DNER: variants seen among roughly 807,000 people sequenced by gnomAD.
The protein encoded by DNER is delta and Notch-like epidermal growth factor-related receptor.
In DNER, 33 loss-of-function variants were observed where a neutral mutation model predicts 78.2. That is an observed-to-expected ratio of 0.42 (90% CI 0.32 to 0.56). The LOEUF (loss-of-function observed/expected upper bound fraction) is 0.56. DNER is among the 20% of genes least tolerant of loss of function. The pLI is 0.11. For missense variants in DNER, 918 were observed against 975.3 expected, an observed-to-expected ratio of 0.94 and a Z score of 0.78; for synonymous variants, 417 against 384.8, an observed-to-expected ratio of 1.08 and a Z score of -0.98.
intron 10 of DNER, among the ~76,000 whole-genome samples, chr2:229,395,934 A>G (rs1291404871): frequency 6.6e-6 from 1 of 152,100 alleles, no homozygotes; most frequent in Non-Finnish European, 1.5e-5. Flanking sequence ...AATAATCTAG[A>G]TAAGAAATAA....
chr2:229,631,250 A>G (rs1329896885), intron 1 of DNER, among the ~76,000 whole-genome samples: 1 of 152,178 alleles, frequency 6.6e-6, no homozygotes, highest in Non-Finnish European at 1.5e-5. Context: ...ATTTAAAGAC[A>G]TTGGCTGGCC....
At chr2:229,636,822 G>A (rs950351488) in intron 1 of DNER, among the ~76,000 whole-genome samples, 2 of 152,110 alleles carry the variant, frequency 1.3e-5, no homozygotes, top group Non-Finnish European at 2.9e-5. Context: ...ACCAGATCCA[G>A]GCCTGGCCAT....
Position 229,363,279 on chromosome 2 carries a change from T to C in DNER, c.2102+3594A>G, listed in dbSNP as rs1251977961. ...TCAGTCACTCGTGTGACCCACTCCATGTGCCCTGTGTGGCTGCTGGGCTGC... is the reference window on the plus strand; with the variant it reads ...TCAGTCACTCGTGTGACCCACTCCACGTGCCCTGTGTGGCTGCTGGGCTGC... On this transcript the variant is annotated intron_variant, in intron 12 of 12. Coordinates refer to ENST00000341772, the MANE Select transcript of DNER (RefSeq NM_139072.4). 3.3e-5 allele frequency among the ~76,000 whole-genome samples: 5 copies of C among 152,228 alleles called. No individual in the cohort carries two copies. The East Asian group carries it at 7.7e-4, about 23-fold the overall frequency.
chr2:229,706,947 G>C (rs1246760250), intron 1 of DNER, among the ~76,000 whole-genome samples: 3 of 152,176 alleles, frequency 2.0e-5, no homozygotes, highest in African/African-American at 7.2e-5. Flanking sequence ...TTGGTAGAAA[G>C]AATGGGGATG....
intron 1 of DNER, among the ~76,000 whole-genome samples, chr2:229,692,843 G>A (rs1394284096): frequency 1.3e-5 from 2 of 151,878 alleles, no homozygotes; most frequent in East Asian, 1.9e-4. Flanking sequence ...CTTATATAAG[G>A]ATGAGCAGAT....
At chr2:229,635,223 A>C (rs924695746) in intron 1 of DNER, among the ~76,000 whole-genome samples, 1 of 152,084 alleles carries the variant, frequency 6.6e-6, no homozygotes, top group Non-Finnish European at 1.5e-5. Flanking sequence ...TCTCCTCGGC[A>C]GCAACCAAGG....
At chr2:229,449,066 A>C (rs1383378085) in intron 7 of DNER, among the ~76,000 whole-genome samples, 1 of 152,204 alleles carries the variant, frequency 6.6e-6, no homozygotes, top group Non-Finnish European at 1.5e-5. Context: ...CTCCAAAAAA[A>C]TCCAATGCTA....
At chr2:229,619,411 AGTGAT>A (rs2154215433) in intron 1 of DNER, among the ~76,000 whole-genome samples, 1 of 152,296 alleles carries the variant, frequency 6.6e-6, no homozygotes, top group African/African-American at 2.4e-5. Context: ...AAACCAGCTC[AGTGAT>A]GTAAGTGCAG....
chr2:229,556,512 A>G (rs540990306), intron 4 of DNER, among the ~76,000 whole-genome samples: 177 of 152,372 alleles, frequency 1.2e-3, no homozygotes, highest in Middle Eastern at 6.8e-3. Flanking sequence ...TCTAAGTCAC[A>G]TGAGTGATGC....
chr2:229,444,760 G>A (rs1231604246), intron 8 of DNER, among the ~76,000 whole-genome samples: 5 of 151,966 alleles, frequency 3.3e-5, no homozygotes, highest in Admixed American at 6.6e-5. Flanking sequence ...GTGGTGGTGG[G>A]AGCCTGTAAT....
chr2:229,411,386 G>A (rs1054908327), intron 9 of DNER, among the ~76,000 whole-genome samples: 23 of 151,954 alleles, frequency 1.5e-4, no homozygotes, highest in South Asian at 4.2e-4. Flanking sequence ...GTGAAACCCC[G>A]TCTCTACTAA....
intron 1 of DNER, among the ~76,000 whole-genome samples, chr2:229,650,645 C>T (rs536327830): frequency 2.6e-5 from 4 of 152,144 alleles, no homozygotes; most frequent in Non-Finnish European, 5.9e-5. Flanking sequence ...CCCCTACACA[C>T]GGTTTTCTTT....
At chr2:229,538,597 A>T (rs1437037637) in intron 5 of DNER, among the ~76,000 whole-genome samples, 1 of 152,142 alleles carries the variant, frequency 6.6e-6, no homozygotes, top group Non-Finnish European at 1.5e-5. Flanking sequence ...GTAGTTAATG[A>T]TGATGTATAC....
intron 6 of DNER, among the ~76,000 whole-genome samples, chr2:229,490,725 T>C (rs1026409829): frequency 7.9e-5 from 12 of 152,162 alleles, no homozygotes; most frequent in Admixed American, 2.0e-4. Context: ...TGCTGGTATG[T>C]GGATTGTATC....
intron 1 of DNER, among the ~76,000 whole-genome samples, chr2:229,626,083 C>A (rs781453392): frequency 3.3e-5 from 5 of 152,090 alleles, no homozygotes; most frequent in Non-Finnish European, 7.4e-5. Flanking sequence ...CAGTGCCTGG[C>A]TAATTTTTTG....
chr2:229,584,216 C>T (rs1305379998), intron 4 of DNER, among the ~76,000 whole-genome samples: 2 of 151,902 alleles, frequency 1.3e-5, no homozygotes, highest in African/African-American at 2.4e-5. Context: ...CTTGTACATT[C>T]GTTATCTAAT....
chr2:229,373,705 T>C (rs868014532), intron 11 of DNER, among the ~76,000 whole-genome samples: 2 of 152,090 alleles, frequency 1.3e-5, no homozygotes, highest in Admixed American at 6.6e-5. Flanking sequence ...CCATCAAAGA[T>C]GGATTGAATA....
intron 1 of DNER, among the ~76,000 whole-genome samples, chr2:229,605,724 C>A (rs1189500790): frequency 2.0e-5 from 3 of 149,550 alleles, no homozygotes; most frequent in African/African-American, 4.9e-5. Context: ...CCCATCTCTA[C>A]AAAAAAAAAA....
intron 1 of DNER, among the ~76,000 whole-genome samples, chr2:229,594,617 A>C (rs1158024705): frequency 5.3e-5 from 8 of 152,026 alleles, no homozygotes; most frequent in African/African-American, 1.9e-4. Flanking sequence ...ACAAACAAAA[A>C]AAAAAACAGG....
Sources: allele counts gnomAD v4.1 joint callset (sites outside exome capture counted in the v4.1 genomes callset), GRCh38; gene constraint gnomAD v4.1.1; transcripts MANE v1.5; gene names NCBI Gene and HGNC (gene_info 2026-07-23, HGNC 2026-07-21).